ECEL1: variants seen among roughly 807,000 people sequenced by gnomAD.
ECEL1 encodes endothelin-converting enzyme-like 1.
ECEL1 carries 87 observed loss-of-function variants against 101.8 expected under a neutral mutation model. The ratio of observed to expected loss-of-function variants is 0.85; its 90% CI spans 0.72 to 1.02. ECEL1 has a LOEUF of 1.02. Among genes scored for constraint, ECEL1 ranks in the 50% least tolerant of loss-of-function variants. ECEL1 has a pLI of 0.00. For missense variants in ECEL1, 1,032 were observed against 1,079.2 expected (o/e 0.96, Z 0.61); for synonymous variants, 487 against 468.7 (o/e 1.04, Z -0.50).
At chr2:232,484,620 G>A (rs1190641025) in intron 5 of ECEL1, 24 bp from the exon 6 acceptor site, 11 of 1,613,138 alleles carry the variant, frequency 6.8e-6, no homozygotes, top group Middle Eastern at 1.6e-4. Context: ...GACAGGGACA[G>A]TGAGGCTAGG....
chr2:232,482,093 G>A (rs1438697489), intron 12 of ECEL1, among the ~76,000 whole-genome samples: 1 of 152,216 alleles, frequency 6.6e-6, no homozygotes, highest in Non-Finnish European at 1.5e-5. Flanking sequence ...AGTGAAACAG[G>A]GCTGGAGGAG....
At position 232,486,773 on chromosome 2, in the gene ECEL1, C is replaced by T; in HGVS notation, c.-101-19G>A. 1 of 1,143,854 alleles carries T rather than the reference C, an allele frequency of 8.7e-7. No homozygotes were observed. Among genetic ancestry groups the T allele is most frequent in the Non-Finnish European group, 1.1e-6 (1 of 896,832 alleles). 70.9% of individuals were successfully genotyped at this position (1,143,854 alleles called of 1,614,324 possible). On this transcript the variant is annotated intron_variant, in intron 1 of 17. Transcript: ENST00000304546. Reference sequence around the variant, plus strand: ...GCCGCAGCTGCGGGAAGGGCGGAAGCAGGCTCAGGAGGCGCCGCAGCCGGA... The same window carrying T: ...GCCGCAGCTGCGGGAAGGGCGGAAGTAGGCTCAGGAGGCGCCGCAGCCGGA...
intron 10 of ECEL1, 23 bp from the exon 11 acceptor site, chr2:232,482,631 A>G (rs1357991555): frequency 3.1e-6 from 5 of 1,600,402 alleles, no homozygotes; most frequent in Non-Finnish European, 4.3e-6. Context: ...GCTGGGGTGA[A>G]TGGGGGGAAC....
rs1015352796 is a variant in ECEL1 at position 232,479,970 on chromosome 2, T to G, written c.*183A>C. 13 of 621,772 alleles carry G rather than the reference T, an allele frequency of 2.1e-5. No individual in the cohort carries two copies. The African/African-American group carries it at 2.4e-4, about 12-fold the overall frequency. The allele number at this position is 621,772 out of a possible 1,614,324, so 38.5% of individuals were successfully genotyped here. The stretch of plus-strand genomic sequence containing the variant: ...ATATTTCCCTCACAGCCCCCCAAAG[T>G]CCAGCCTCACCCTGCTCCAGGCCCC... On this transcript the variant is annotated 3_prime_UTR_variant, in exon 18 of 18. Coordinates refer to ENST00000304546, the MANE Select transcript of ECEL1 (RefSeq NM_004826.4).
rs774402657 is a variant in ECEL1 at position 232,479,925 on chromosome 2, C to T, written c.*228G>A. ...GGCAGAGGGTCTGGCCCCCTTAGAG[C>T]AGAATCTGGGGACCCCAGTATATTT... On this transcript the variant is annotated 3_prime_UTR_variant, in exon 18 of 18. Transcript: ENST00000304546. 1.7e-6 allele frequency: 1 copy of T among 583,112 alleles called. No individual in the cohort carries two copies. The highest frequency in any genetic ancestry group is 3.0e-5 in the Admixed American group (1 of 33,042). The allele number at this position is 583,112 out of a possible 1,614,324, so 36.1% of individuals were successfully genotyped here. A position where few individuals can be genotyped will look rare whatever the true frequency, so the allele number is the denominator to read the frequency against.
At position 232,483,100 on chromosome 2, in the gene ECEL1, C is replaced by T. The variant is rs759307695; in HGVS notation, c.1581+5G>A. ...ACAGGCTGGGCAGGCAGGGTCAGGG[C>T]CCACCTCATACTCCTTGTCCACAGC... On this transcript the variant is annotated splice_donor_5th_base_variant and intron_variant, in intron 9 of 17. Coordinates refer to ENST00000304546, the MANE Select transcript of ECEL1 (RefSeq NM_004826.4). 1.4e-5 allele frequency: 22 copies of T among 1,606,538 alleles called. No homozygotes were observed. The highest frequency in any genetic ancestry group is 1.8e-5 in the Non-Finnish European group (21 of 1,176,968).
rs1690666678 is a variant in ECEL1 at position 232,484,463 on chromosome 2, C to T, written c.1184+9G>A. The T allele has an allele frequency of 6.2e-7, 1 of 1,612,970 alleles. No individual in the cohort carries two copies. Among genetic ancestry groups the T allele is most frequent in the Non-Finnish European group, 8.5e-7 (1 of 1,179,304 alleles). On this transcript the variant is annotated intron_variant, in intron 6 of 17. Coordinates refer to ENST00000304546, the MANE Select transcript of ECEL1 (RefSeq NM_004826.4). ...CGCTGGGCAGAAAATGCCAGATCTG[C>T]AGCCATACCGGTGGGGTGTGGAGCG...
Position 232,486,697 on chromosome 2 carries a change from C to A in ECEL1, c.-44G>T. On this transcript the variant is annotated 5_prime_UTR_variant, in exon 2 of 18. Transcript: ENST00000304546. ...GTGCAGACCTGGGCCACCTGGGCTA[C>A]GGGATGCGCGTGGCCGCCGGCCTCC... The A allele has an allele frequency of 7.0e-7, 1 of 1,430,366 alleles. No individual in the cohort carries two copies. Among genetic ancestry groups the A allele is most frequent in the Non-Finnish European group, 9.1e-7 (1 of 1,100,326 alleles). The allele number at this position is 1,430,366 out of a possible 1,614,324, so 88.6% of individuals were successfully genotyped here. A position where few individuals can be genotyped will look rare whatever the true frequency, so the allele number is the denominator to read the frequency against.
chr2:232,484,312 T>G (rs1690663852), intron 6 of ECEL1, 89 bp from the exon 7 acceptor site: 3 of 1,564,144 alleles, frequency 1.9e-6, no homozygotes, highest in East Asian at 4.5e-5. Context: ...CGCCAACCTG[T>G]GGCTGGACCC....
At chr2:232,485,389 C>G in intron 2 of ECEL1, 122 bp from the exon 3 acceptor site, 3 of 1,115,812 alleles carry the variant, frequency 2.7e-6, no homozygotes, top group Non-Finnish European at 3.8e-6. Flanking sequence ...CACAGAAGCA[C>G]GCAGACCCCA....
chr2:232,480,600 G>A, intron 16 of ECEL1, 118 bp downstream of exon 16: 1 of 1,486,926 alleles, frequency 6.7e-7, no homozygotes, highest in Non-Finnish European at 9.3e-7. Context: ...ACCTCTGACG[G>A]GACAGGTGAT....
rs1429131191 is a variant in ECEL1 at position 232,486,110 on chromosome 2, C to T, written c.544G>A (p.Ala182Thr). 1.3e-6 allele frequency: 2 copies of T among 1,585,316 alleles called. No individual in the cohort carries two copies. Among genetic ancestry groups the T allele is most frequent in the East Asian group, 4.6e-5 (2 of 43,628 alleles). ...PGGAAQRKVR[A>T]FFRSCLDMRE... Reference sequence around the variant, plus strand: ...ATGTCGAGGCACGAGCGGAAGAAGGCGCGCACCTTGCGCTGGGCCGCGCCG... The same window carrying T: ...ATGTCGAGGCACGAGCGGAAGAAGGTGCGCACCTTGCGCTGGGCCGCGCCG... The change falls in exon 2 of 18, where the codon GCC becomes ACC. Residue 182 changes from alanine to threonine, a missense_variant. Ala to Thr is a moderately conservative substitution (Grantham distance 58). Coordinates refer to ENST00000304546, the MANE Select transcript of ECEL1 (RefSeq NM_004826.4).
chr2:232,485,994 C>T lies in ECEL1; in HGVS notation c.660G>A (p.Pro220=), dbSNP rs1421956124. Residue 220 remains proline (P), a synonymous_variant, in exon 2 of 18, where the codon CCG becomes CCA. Coordinates refer to ENST00000304546, the MANE Select transcript of ECEL1 (RefSeq NM_004826.4). Reference sequence around the variant, plus strand: ...TGAGGTCCCATCGCGCCGCGACCCCCGGACGCTCCTCCGCGCCGCCCAGGT... The same window carrying T: ...TGAGGTCCCATCGCGCCGCGACCCCTGGACGCTCCTCCGCGCCGCCCAGGT... ...GWDLGGAEER[P]GVAARWDLNR... is the part of the protein sequence containing the mutation. 2 of 1,606,160 alleles carry T rather than the reference C, an allele frequency of 1.2e-6. No homozygotes were observed. Among genetic ancestry groups the T allele is most frequent in the African/African-American group, 1.3e-5 (1 of 74,828 alleles).
rs767771279 is a variant in ECEL1 at position 232,481,626 on chromosome 2, G to T, written c.1869C>A (p.Gly623=). ...GCAGGTTCCCTGAGCGGTCATACTG[G>T]CCCCCTGTGGGCAGTGCAGCAGGCT... ...ELTHGYDDWG[G]QYDRSGNLLH... is the part of the protein sequence containing the mutation. The change falls in exon 14 of 18, where the codon GGC becomes GGA. Residue 623 remains glycine (G), a synonymous_variant. Transcript: ENST00000304546. The T allele has an allele frequency of 3.1e-6, 5 of 1,613,576 alleles. No homozygotes were observed. The South Asian group carries it at 4.4e-5, about 14-fold the overall frequency.
rs745600728 is a variant in ECEL1, at chr2:232,486,116, C to A, written c.538G>T (p.Val180Leu). The change falls in exon 2 of 18, where the codon GTG becomes TTG. Residue 180 changes from valine (V) to leucine (L), a missense_variant. Physicochemically the swap from Val to Leu is conservative, Grantham distance 32. Transcript: ENST00000304546. ...GGPGGAAQRKVRAFFRSCLDM... is the reference protein window; with the variant it reads ...GGPGGAAQRKLRAFFRSCLDM... ...AGGCACGAGCGGAAGAAGGCGCGCA[C>A]CTTGCGCTGGGCCGCGCCGCCAGGC... is the stretch of plus-strand genomic sequence containing the variant. 6.3e-7 allele frequency: 1 copy of A among 1,580,778 alleles called. No individual in the cohort carries two copies. Among genetic ancestry groups the A allele is most frequent in the South Asian group, 1.1e-5 (1 of 87,806 alleles).
rs1038792254 is a variant in ECEL1 at position 232,486,741 on chromosome 2, C to T, written c.-88G>A. ...GGCCTCCTCGTGGGCCTCCGCATGG[C>T]CCTGGGGCCGCAGCTGCGGGAAGGG... On this transcript the variant is annotated 5_prime_UTR_variant, in exon 2 of 18. Coordinates refer to ENST00000304546, the MANE Select transcript of ECEL1 (RefSeq NM_004826.4). 36 of 1,305,722 alleles carry T rather than the reference C, an allele frequency of 2.8e-5. No individual in the cohort carries two copies. The highest frequency in any genetic ancestry group is 3.5e-5 in the Non-Finnish European group (36 of 1,020,564). 80.9% of individuals were successfully genotyped at this position (1,305,722 alleles called of 1,614,324 possible). A position where few individuals can be genotyped will look rare whatever the true frequency, so the allele number is the denominator to read the frequency against.
Position 232,481,095 on chromosome 2 carries a change from T to G in ECEL1, c.2051A>C (p.Tyr684Ser). The G allele has an allele frequency of 6.4e-7, 1 of 1,559,592 alleles. No individual in the cohort carries two copies. The highest frequency in any genetic ancestry group is 8.7e-7 in the Non-Finnish European group (1 of 1,151,892). Reference protein sequence around the residue: ...IADMGGLKLAYHAYQKWVREH... With the variant: ...IADMGGLKLASHAYQKWVREH... Reference sequence around the variant, plus strand: ...GAGCACAGGCAGGCCGCTCACGTGGTAGGCCAGCTTGAGGCCGCCCATATC... The same window carrying G: ...GAGCACAGGCAGGCCGCTCACGTGGGAGGCCAGCTTGAGGCCGCCCATATC... The change falls in exon 15 of 18, where the codon TAC becomes TCC. Residue 684 changes from tyrosine (Y) to serine (S), a missense_variant. By Grantham distance (144) the Tyr-to-Ser change is moderately radical. Coordinates refer to ENST00000304546, the MANE Select transcript of ECEL1 (RefSeq NM_004826.4).
At chr2:232,483,080 C>T in intron 9 of ECEL1, 25 bp downstream of exon 9, 1 of 1,610,888 alleles carries the variant, frequency 6.2e-7, no homozygotes, top group Non-Finnish European at 8.5e-7. Context: ...TGTGGACAGG[C>T]TGGGCAGGCA....
rs372396111 is a variant in ECEL1 at position 232,480,154 on chromosome 2, C to T, written c.2327G>A (p.Ter776=). 5 of 1,613,136 alleles carry T rather than the reference C, an allele frequency of 3.1e-6. No individual in the cohort carries two copies. Among genetic ancestry groups the T allele is most frequent in the Non-Finnish European group, 4.2e-6 (5 of 1,179,664 alleles). The change falls in exon 18 of 18, where the codon TGA becomes TAA. Residue 776 remains the stop codon, a stop_retained_variant. Coordinates refer to ENST00000304546, the MANE Select transcript of ECEL1 (RefSeq NM_004826.4). The part of the protein sequence containing the change: ...MNPAHKCSVW[*] ...GGGCGTGCAGGCGGGCAGCCAGGCT[C>T]ACCACACGGAACACTTGTGGGCAGG...
Sources: gnomAD v4.1 joint callset for allele counts (sites outside exome capture counted in the v4.1 genomes callset) on GRCh38, gnomAD v4.1.1 for gene constraint, MANE v1.5 for transcripts, NCBI Gene and HGNC (gene_info 2026-07-23, HGNC 2026-07-21) for gene names.